Variants in LHFPL6 observed in about 807,000 individuals in gnomAD.
The protein encoded by LHFPL6 is LHFPL tetraspan subfamily member 6.
LHFPL6 carries 9 observed loss-of-function variants against 20.6 expected under a neutral mutation model. The ratio of observed to expected loss-of-function variants is 0.44; its 90% CI spans 0.26 to 0.76. The LOEUF (loss-of-function observed/expected upper bound fraction) is 0.76. Ranked by LOEUF, LHFPL6 falls within the 30% of genes least tolerant of loss-of-function variation. LHFPL6 has a pLI of 0.20. For synonymous variants in LHFPL6, 105 were observed against 98.7 expected (o/e 1.06, Z -0.38); for missense variants, 218 against 253.5 (o/e 0.86, Z 0.95).
intron 2 of LHFPL6, among the ~76,000 whole-genome samples, chr13:39,599,888 T>C (rs888641284): frequency 2.0e-5 from 3 of 152,226 alleles, no homozygotes; most frequent in African/African-American, 7.2e-5. Context: ...GACCTTTACT[T>C]TGTAATGAAG....
chr13:39,442,108 C>G (rs899690432), intron 2 of LHFPL6, among the ~76,000 whole-genome samples: 1 of 152,108 alleles, frequency 6.6e-6, no homozygotes, highest in African/African-American at 2.4e-5. Flanking sequence ...GGATTACAGG[C>G]ATGAGCCACC....
intron 2 of LHFPL6, among the ~76,000 whole-genome samples, chr13:39,446,850 C>T (rs1011207944): frequency 6.6e-6 from 1 of 152,130 alleles, no homozygotes; most frequent in African/African-American, 2.4e-5. Flanking sequence ...CATATCCAAT[C>T]CCTCATAATC....
At chr13:39,345,537 A>AAAAAAAAAAAAAAAAAAAG (rs1593279014) in intron 3 of LHFPL6, among the ~76,000 whole-genome samples, 2 of 146,504 alleles carry the variant, frequency 1.4e-5, no homozygotes, top group African/African-American at 2.5e-5. Context: ...AAAAAAAAAA[A>AAAAAAAAAAAAAAAAAAAG]AAAGAAAGAA....
intron 2 of LHFPL6, among the ~76,000 whole-genome samples, chr13:39,584,399 T>A (rs1872381426): frequency 1.3e-5 from 2 of 151,734 alleles, no homozygotes; most frequent in African/African-American, 2.4e-5. Flanking sequence ...TGGTGGCACA[T>A]GCCTGTAATC....
chr13:39,373,138 T>C (rs1292363016), intron 3 of LHFPL6, among the ~76,000 whole-genome samples: 1 of 152,212 alleles, frequency 6.6e-6, no homozygotes, highest in African/African-American at 2.4e-5. Flanking sequence ...GTCAGGCTAC[T>C]TTCATTTGCG....
intron 2 of LHFPL6, among the ~76,000 whole-genome samples, chr13:39,582,481 T>C (rs1872318707): frequency 6.6e-6 from 1 of 152,200 alleles, no homozygotes; most frequent in African/African-American, 2.4e-5. Context: ...GATGGAAATG[T>C]AATGATCATG....
At chr13:39,538,634 A>C (rs1870700257) in intron 2 of LHFPL6, among the ~76,000 whole-genome samples, 2 of 151,874 alleles carry the variant, frequency 1.3e-5, no homozygotes, top group Admixed American at 1.3e-4. Flanking sequence ...AATGCAAGGA[A>C]TAATCCTGAA....
At chr13:39,441,137 ATTTTTTTTTTT>A (rs57695621) in intron 2 of LHFPL6, among the ~76,000 whole-genome samples, 4 of 91,450 alleles carry the variant, frequency 4.4e-5, no homozygotes, top group South Asian at 7.6e-4. Context: ...ATGCCAACTA[ATTTTTTTTTTT>A]TTTTTTTTTT....
chr13:39,542,647 G>A (rs1394303730), intron 2 of LHFPL6, among the ~76,000 whole-genome samples: 1 of 152,110 alleles, frequency 6.6e-6, no homozygotes, highest in African/African-American at 2.4e-5. Flanking sequence ...TGCCATTGTG[G>A]GAATCCACCC....
At chr13:39,537,949 A>G (rs1018979981) in intron 2 of LHFPL6, among the ~76,000 whole-genome samples, 7 of 150,932 alleles carry the variant, frequency 4.6e-5, no homozygotes, top group Admixed American at 1.3e-4. Flanking sequence ...CTAGCTCTTT[A>G]CTTCTCATAC....
At chr13:39,481,595 T>G (rs939638965) in intron 2 of LHFPL6, among the ~76,000 whole-genome samples, 1 of 152,000 alleles carries the variant, frequency 6.6e-6, no homozygotes, top group Non-Finnish European at 1.5e-5. Context: ...CATGAAGATG[T>G]AAGGACATAA....
chr13:39,413,532 C>T (rs1219540352), intron 2 of LHFPL6, among the ~76,000 whole-genome samples: 1 of 150,574 alleles, frequency 6.6e-6, no homozygotes, highest in Non-Finnish European at 1.5e-5. Context: ...GATCCTCCTG[C>T]CTCAACCTCC....
chr13:39,555,159 A>T (rs962967970), intron 2 of LHFPL6, among the ~76,000 whole-genome samples: 2 of 152,318 alleles, frequency 1.3e-5, no homozygotes, highest in African/African-American at 4.8e-5. Flanking sequence ...CTACTCGGAA[A>T]CTGACAAATA....
intron 2 of LHFPL6, among the ~76,000 whole-genome samples, chr13:39,533,976 T>C (rs193047353): frequency 6.6e-6 from 1 of 152,302 alleles, no homozygotes; most frequent in African/African-American, 2.4e-5. Flanking sequence ...ACATATGTAC[T>C]CTTGTTGTTG....
At chr13:39,539,351 C>A (rs1870725087) in intron 2 of LHFPL6, among the ~76,000 whole-genome samples, 1 of 151,714 alleles carries the variant, frequency 6.6e-6, no homozygotes, top group African/African-American at 2.4e-5. Flanking sequence ...AATGAAATAA[C>A]CATATGAGCA....
intron 2 of LHFPL6, among the ~76,000 whole-genome samples, chr13:39,408,254 G>T (rs887124936): frequency 6.6e-6 from 1 of 152,148 alleles, no homozygotes; most frequent in African/African-American, 2.4e-5. Context: ...TTTGATTTAT[G>T]GAAATATCTT....
chr13:39,488,058 T>C (rs1868785145), intron 2 of LHFPL6, among the ~76,000 whole-genome samples: 1 of 152,174 alleles, frequency 6.6e-6, no homozygotes, highest in Non-Finnish European at 1.5e-5. Flanking sequence ...TATTAAGAAG[T>C]GGGGCCTTTG....
At chr13:39,431,204 C>G (rs182661410) in intron 2 of LHFPL6, among the ~76,000 whole-genome samples, 1 of 140,166 alleles carries the variant, frequency 7.1e-6, no homozygotes, top group African/African-American at 2.8e-5. Flanking sequence ...TCTGAAGGAA[C>G]AAACTCCGGG....
rs145581251 is a variant in LHFPL6 at position 39,597,319 on chromosome 13, C to G, written c.385+3513G>C. On this transcript the variant is annotated intron_variant, in intron 2 of 3. Transcript: ENST00000379589. ...ACCACCTGACAGAACTTAACAAATA[C>G]GCTTAATATGTCTTTACAACATTCT... is the stretch of plus-strand genomic sequence containing the variant. Among the ~76,000 whole-genome samples the G allele has an allele frequency of 1.7e-3, 253 of 152,300 alleles. 2 individuals carry two copies. Among genetic ancestry groups the G allele is most frequent in the African/African-American group, 5.9e-3 (246 of 41,566 alleles).
Sources: allele counts gnomAD v4.1 joint callset (sites outside exome capture counted in the v4.1 genomes callset), GRCh38; gene constraint gnomAD v4.1.1; transcripts MANE v1.5; gene names NCBI Gene and HGNC (gene_info 2026-07-23, HGNC 2026-07-21).